Variants in RSRC1 observed in about 807,000 individuals in gnomAD.
RSRC1 encodes serine/Arginine-related protein 53.
A neutral mutation model predicts 49.1 loss-of-function variants in RSRC1; 39 were observed. That is an observed-to-expected ratio of 0.79 (90% CI 0.61 to 1.04). RSRC1 has a LOEUF of 1.04. Ranked by LOEUF, RSRC1 falls within the 50% of genes least tolerant of loss-of-function variation. RSRC1 has a pLI of 0.00. For missense variants in RSRC1, 388 were observed against 402.4 expected (o/e 0.96, Z 0.31); for synonymous variants, 143 against 130.8 (o/e 1.09, Z -0.63).
chr3:158,397,904 G>A (rs187561661), intron 6 of RSRC1, among the ~76,000 whole-genome samples: 3 of 152,130 alleles, frequency 2.0e-5, no homozygotes, highest in African/African-American at 7.2e-5. Flanking sequence ...TTTAGAAATT[G>A]GTGAAGATTT....
chr3:158,474,836 T>C (rs1360076154), intron 7 of RSRC1, among the ~76,000 whole-genome samples: 1 of 152,166 alleles, frequency 6.6e-6, no homozygotes, highest in Non-Finnish European at 1.5e-5. Flanking sequence ...TGTCATAGTT[T>C]GACCAAATCT....
chr3:158,164,471 T>C (rs1249150393), intron 3 of RSRC1, among the ~76,000 whole-genome samples: 1 of 152,118 alleles, frequency 6.6e-6, no homozygotes, highest in Non-Finnish European at 1.5e-5. Context: ...TACAAAATTA[T>C]AAAAATATTT....
chr3:158,530,629 G>C (rs1274066364), intron 7 of RSRC1, among the ~76,000 whole-genome samples: 1 of 151,528 alleles, frequency 6.6e-6, no homozygotes, highest in Non-Finnish European at 1.5e-5. Flanking sequence ...GGGAAGATGT[G>C]GGGGGGAAAT....
At chr3:158,244,663 T>G (rs985445826) in intron 4 of RSRC1, among the ~76,000 whole-genome samples, 1 of 152,196 alleles carries the variant, frequency 6.6e-6, no homozygotes, top group Admixed American at 6.5e-5. Flanking sequence ...GAGGAGTTCC[T>G]TCTTTTCTGT....
chr3:158,517,377 A>G (rs1371952159), intron 7 of RSRC1, among the ~76,000 whole-genome samples: 1 of 151,986 alleles, frequency 6.6e-6, no homozygotes, highest in Non-Finnish European at 1.5e-5. Context: ...TGCAACCCCC[A>G]CTAACCAGTA....
intron 3 of RSRC1, among the ~76,000 whole-genome samples, chr3:158,163,094 C>G (rs1465123136): frequency 6.6e-6 from 1 of 152,158 alleles, no homozygotes; most frequent in East Asian, 1.9e-4. Context: ...ACCTTCATCT[C>G]ATGGGTTCGA....
intron 7 of RSRC1, among the ~76,000 whole-genome samples, chr3:158,507,097 G>A (rs1739894174): frequency 6.6e-6 from 1 of 151,924 alleles, no homozygotes; most frequent in Non-Finnish European, 1.5e-5. Context: ...GCAGCAACAT[G>A]GATGGAACTG....
chr3:158,171,988 A>G (rs1158608902), intron 3 of RSRC1, among the ~76,000 whole-genome samples: 1 of 152,060 alleles, frequency 6.6e-6, no homozygotes, highest in African/African-American at 2.4e-5. Flanking sequence ...CAAAAACCAT[A>G]CATAAATGAA....
At chr3:158,214,765 A>G (rs1372321674) in intron 4 of RSRC1, among the ~76,000 whole-genome samples, 3 of 151,742 alleles carry the variant, frequency 2.0e-5, no homozygotes, top group African/African-American at 7.3e-5. Flanking sequence ...TTCTAGCTTC[A>G]TTTCATTATG....
At chr3:158,146,220 A>G (rs1717105031) in intron 3 of RSRC1, among the ~76,000 whole-genome samples, 1 of 152,136 alleles carries the variant, frequency 6.6e-6, no homozygotes. Context: ...TTTCAAAGGG[A>G]ATGCTTCCAG....
At chr3:158,164,662 T>G (rs1333101475) in intron 3 of RSRC1, among the ~76,000 whole-genome samples, 1 of 152,164 alleles carries the variant, frequency 6.6e-6, no homozygotes, top group African/African-American at 2.4e-5. Context: ...AGGATATGTG[T>G]AAGTTTTCTC....
At chr3:158,433,029 A>G (rs1386751484) in intron 6 of RSRC1, among the ~76,000 whole-genome samples, 1 of 151,874 alleles carries the variant, frequency 6.6e-6, no homozygotes, top group Admixed American at 6.6e-5. Flanking sequence ...CTTTTTCCTT[A>G]TAAGTTATAT....
chr3:158,144,154 C>G (rs893056192), intron 3 of RSRC1, among the ~76,000 whole-genome samples: 1 of 152,078 alleles, frequency 6.6e-6, no homozygotes, highest in Admixed American at 6.6e-5. Context: ...TTTTATTATA[C>G]TTTAAGTTTT....
At chr3:158,401,400 CATTT>C (rs1733887352) in intron 6 of RSRC1, among the ~76,000 whole-genome samples, 1 of 151,940 alleles carries the variant, frequency 6.6e-6, no homozygotes, top group Non-Finnish European at 1.5e-5. Flanking sequence ...CTCTTTAAAC[CATTT>C]ATTTCTTTGT....
chr3:158,463,453 T>C (rs1049924139), intron 7 of RSRC1, among the ~76,000 whole-genome samples: 1 of 152,126 alleles, frequency 6.6e-6, no homozygotes, highest in African/African-American at 2.4e-5. Flanking sequence ...TAGTTCTGTA[T>C]CTGAAAGAAT....
intron 4 of RSRC1, among the ~76,000 whole-genome samples, chr3:158,254,145 T>C (rs1724395839): frequency 6.6e-6 from 1 of 152,220 alleles, no homozygotes; most frequent in Non-Finnish European, 1.5e-5. Flanking sequence ...TGTGCCACAT[T>C]TTCTTAATCC....
intron 4 of RSRC1, 88 bp from the exon 5 acceptor site, chr3:158,297,951 C>G: frequency 1.1e-6 from 1 of 923,084 alleles, no homozygotes; most frequent in Non-Finnish European, 1.7e-6. Flanking sequence ...GAAAAAATTA[C>G]AAGGGTTTAT....
chr3:158,254,872 A>T (rs1724442799), intron 4 of RSRC1, among the ~76,000 whole-genome samples: 1 of 152,148 alleles, frequency 6.6e-6, no homozygotes, highest in Admixed American at 6.5e-5. Flanking sequence ...TCTTCTTTTG[A>T]GAAGTGTCTA....
chr3:158,264,704 T>G (rs1725075670), intron 4 of RSRC1, among the ~76,000 whole-genome samples: 1 of 152,210 alleles, frequency 6.6e-6, no homozygotes, highest in South Asian at 2.1e-4. Flanking sequence ...TTGGAAACAG[T>G]TTTGTGCCCT....
Sources: allele counts gnomAD v4.1 joint callset (sites outside exome capture counted in the v4.1 genomes callset), GRCh38; gene constraint gnomAD v4.1.1; transcripts MANE v1.5; gene names NCBI Gene and HGNC (gene_info 2026-07-23, HGNC 2026-07-21).